The following PDE7B variants were observed in gnomAD, a reference collection of about 807,000 sequenced individuals.
PDE7B encodes phosphodiesterase 7B.
In PDE7B, 29 loss-of-function variants were observed where a neutral mutation model predicts 56.2. The observed-to-expected ratio is 0.52, with a 90% CI of 0.38 to 0.70. PDE7B has a LOEUF of 0.70. Among genes scored for constraint, PDE7B ranks in the 30% least tolerant of loss-of-function variants. The probability of loss-of-function intolerance (pLI) is 0.00; values close to 1 mark genes in which losing one functional copy is unlikely to be tolerated. For synonymous variants in PDE7B, 197 were observed against 196.9 expected (o/e 1.00, Z 0.00); for missense variants, 490 against 565.0 (o/e 0.87, Z 1.35).
chr6:135,990,762 T>C (rs1775465236), intron 2 of PDE7B, among the ~76,000 whole-genome samples: 1 of 152,212 alleles, frequency 6.6e-6, no homozygotes, highest in South Asian at 2.1e-4. Context: ...GGGGTCCCAA[T>C]CCAGACCCCA....
intron 1 of PDE7B, among the ~76,000 whole-genome samples, chr6:135,875,432 G>A (rs1454088069): frequency 3.3e-5 from 5 of 151,844 alleles, no homozygotes; most frequent in Admixed American, 1.3e-4. Context: ...AAATTTATGT[G>A]TATTTAATAT....
chr6:136,010,734 T>A (rs1185697644), intron 2 of PDE7B, among the ~76,000 whole-genome samples: 1 of 151,908 alleles, frequency 6.6e-6, no homozygotes, highest in Non-Finnish European at 1.5e-5. Context: ...CCTTGACACA[T>A]GGGGATTACA....
At chr6:136,076,631 A>G (rs1777132884) in intron 2 of PDE7B, among the ~76,000 whole-genome samples, 1 of 152,188 alleles carries the variant, frequency 6.6e-6, no homozygotes, top group South Asian at 2.1e-4. Flanking sequence ...TTAGACGCCC[A>G]GATCTCTTCC....
In PDE7B at chr6:135,916,289, T is replaced by C. The variant is rs371062760; in HGVS notation, c.22-31175T>C. Among the ~76,000 whole-genome samples, 18 of 152,242 alleles carry C rather than the reference T, an allele frequency of 1.2e-4. 2 individuals carry two copies. Among genetic ancestry groups the C allele is most frequent in the East Asian group, 5.8e-4 (3 of 5,188 alleles). ...GTGTGGTGGTTTTAATTTATATTTTTCTGATGAGTAATCATGTGCTTATTG... is the reference window on the plus strand; with the variant it reads ...GTGTGGTGGTTTTAATTTATATTTTCCTGATGAGTAATCATGTGCTTATTG... On this transcript the variant is annotated intron_variant, in intron 1 of 12. Transcript: ENST00000308191.
At chr6:136,146,930 T>C (rs1243376078) in intron 3 of PDE7B, among the ~76,000 whole-genome samples, 1 of 152,170 alleles carries the variant, frequency 6.6e-6, no homozygotes, top group Non-Finnish European at 1.5e-5. Flanking sequence ...CCCAGCACTT[T>C]GGGAGGCTCA....
chr6:135,983,194 T>C (rs570486991), intron 2 of PDE7B, among the ~76,000 whole-genome samples: 1 of 152,176 alleles, frequency 6.6e-6, no homozygotes, highest in Non-Finnish European at 1.5e-5. Flanking sequence ...CCAATTGTGC[T>C]TTGGGGTCTG....
chr6:136,063,717 G>T (rs1252360540), intron 2 of PDE7B, among the ~76,000 whole-genome samples: 1 of 152,030 alleles, frequency 6.6e-6, no homozygotes, highest in African/African-American at 2.4e-5. Context: ...CAACAAAACC[G>T]CACAGTTCGT....
chr6:136,128,203 A>C (rs761054529), intron 3 of PDE7B, among the ~76,000 whole-genome samples: 12 of 152,220 alleles, frequency 7.9e-5, no homozygotes, highest in Non-Finnish European at 1.5e-4. Context: ...ACCCGTGTGC[A>C]AATCAAGTAT....
intron 2 of PDE7B, among the ~76,000 whole-genome samples, chr6:136,073,661 A>G (rs994720893): frequency 1.6e-4 from 24 of 152,162 alleles, no homozygotes; most frequent in African/African-American, 5.3e-4. Context: ...CCCCATCTCC[A>G]TATAGGTCAC....
At chr6:136,038,679 A>G (rs995125314) in intron 2 of PDE7B, among the ~76,000 whole-genome samples, 1 of 152,228 alleles carries the variant, frequency 6.6e-6, no homozygotes, top group East Asian at 1.9e-4. Context: ...TATGATAGAA[A>G]TGCATCTTGA....
chr6:136,045,291 T>A (rs1458374226), intron 2 of PDE7B, among the ~76,000 whole-genome samples: 2 of 152,202 alleles, frequency 1.3e-5, no homozygotes, highest in African/African-American at 4.8e-5. Flanking sequence ...TGCCTTTCCA[T>A]ACATTTCTCT....
intron 1 of PDE7B, among the ~76,000 whole-genome samples, chr6:135,909,269 C>G (rs1776169577): frequency 6.6e-6 from 1 of 152,138 alleles, no homozygotes; most frequent in South Asian, 2.1e-4. Context: ...GTGGTGCTGT[C>G]ATATCTTCTT....
chr6:135,981,748 G>A (rs1198334032), intron 2 of PDE7B, among the ~76,000 whole-genome samples: 1 of 150,856 alleles, frequency 6.6e-6, no homozygotes, highest in Non-Finnish European at 1.5e-5. Flanking sequence ...CCTGCCTGAG[G>A]ATGTTTTACA....
intron 2 of PDE7B, among the ~76,000 whole-genome samples, chr6:136,076,140 C>T (rs1448828125): frequency 6.6e-6 from 1 of 152,086 alleles, no homozygotes; most frequent in African/African-American, 2.4e-5. Flanking sequence ...CTTCTTGGTA[C>T]CACTAAGTGC....
intron 1 of PDE7B, among the ~76,000 whole-genome samples, chr6:135,870,503 AGGTGATATGTAC>A (rs1775357080): frequency 6.7e-6 from 1 of 149,860 alleles, no homozygotes; most frequent in Non-Finnish European, 1.5e-5. Flanking sequence ...CTATTTATTT[AGGTGATATGTAC>A]TTGTGAAATG....
At chr6:135,888,897 A>C (rs866397968) in intron 1 of PDE7B, among the ~76,000 whole-genome samples, 1 of 152,206 alleles carries the variant, frequency 6.6e-6, no homozygotes, top group African/African-American at 2.4e-5. Flanking sequence ...AAGCAGAAAT[A>C]AAACAATAAG....
At chr6:135,991,391 G>A (rs771868302) in intron 2 of PDE7B, among the ~76,000 whole-genome samples, 57 of 149,440 alleles carry the variant, frequency 3.8e-4, no homozygotes, top group Admixed American at 2.2e-3. Flanking sequence ...AGAACATCAC[G>A]TTGTACACCA....
chr6:135,865,672 GAGAC>G (rs1775244447), intron 1 of PDE7B, among the ~76,000 whole-genome samples: 1 of 151,432 alleles, frequency 6.6e-6, no homozygotes, highest in African/African-American at 2.4e-5. Context: ...GAGAGAGAGA[GAGAC>G]AGAGACAGAG....
intron 4 of PDE7B, among the ~76,000 whole-genome samples, chr6:136,148,302 G>A (rs942708676): frequency 2.0e-5 from 3 of 151,378 alleles, no homozygotes; most frequent in Non-Finnish European, 4.4e-5. Flanking sequence ...GCTGCAGTGA[G>A]GTATGATGAT....
Sources: allele counts gnomAD v4.1 joint callset (sites outside exome capture counted in the v4.1 genomes callset), GRCh38; gene constraint gnomAD v4.1.1; transcripts MANE v1.5; gene names NCBI Gene and HGNC (gene_info 2026-07-23, HGNC 2026-07-21).